UBL7: variants seen among roughly 807,000 people sequenced by gnomAD.
UBL7 encodes ubiquitin-like protein 7.
In UBL7, 21 loss-of-function variants were observed where a neutral mutation model predicts 41.7. The ratio of observed to expected loss-of-function variants is 0.50; its 90% CI spans 0.36 to 0.73. The LOEUF (loss-of-function observed/expected upper bound fraction) is 0.73, where lower values mean the gene tolerates loss of function less well. Among genes scored for constraint, UBL7 ranks in the 30% least tolerant of loss-of-function variants. UBL7 has a pLI of 0.00. For missense variants in UBL7, 403 were observed against 478.4 expected (o/e 0.84, Z 1.47); for synonymous variants, 157 against 186.9 (o/e 0.84, Z 1.31).
chr15:74,458,762 CT>C lies in UBL7; in HGVS notation c.105del (p.Gly37AlafsTer7), dbSNP rs781524001. On this transcript the variant is annotated frameshift_variant, in exon 2 of 11. Transcript: ENST00000395081. LOFTEE classifies it high-confidence loss of function. ...LPETELGEYSLGGYSISFLKQ... is the reference protein window; with the variant it reads ...LPETELGEYSXGGYSISFLKQ... The stretch of plus-strand genomic sequence containing the variant: ...TTCAGAAATGAAATACTATAGCCCC[CT>C]AGCGAGTATTCTCCCAGTTCTGTCT... The C allele has an allele frequency of 6.2e-7, 1 of 1,614,042 alleles. No homozygotes were observed. Among genetic ancestry groups the C allele is most frequent in the Non-Finnish European group, 8.5e-7 (1 of 1,180,018 alleles).
intron 1 of UBL7, 27 bp from the exon 2 acceptor site, chr15:74,458,923 TAA>T (rs2061320549): frequency 1.3e-6 from 2 of 1,594,256 alleles, no homozygotes; most frequent in Non-Finnish European, 1.7e-6. Context: ...CCTCAGTGGT[TAA>T]AAGACAGACC....
At position 74,456,588 on chromosome 15, in the gene UBL7, G is replaced by A. The variant is rs750219968; in HGVS notation, c.268C>T (p.Leu90=). 22 of 1,614,134 alleles carry A rather than the reference G, an allele frequency of 1.4e-5. No homozygotes were observed. The Admixed American group carries it at 2.3e-4, about 17-fold the overall frequency. Residue 90 remains leucine (L), a synonymous_variant, in exon 3 of 11, where the codon CTG becomes TTG. Coordinates refer to ENST00000395081, the MANE Select transcript of UBL7 (RefSeq NM_032907.5). ...GIQPGSTVHV[L]RKSWPEPDQK... The stretch of plus-strand genomic sequence containing the variant: ...TCAGGTTCAGGCCAGGACTTTCGCA[G>A]AACATGGACAGTGGACCCAGGTTGA...
chr15:74,461,016 A>G (rs184465789), intron 1 of UBL7, 21 bp downstream of exon 1: 3 of 1,083,146 alleles, frequency 2.8e-6, no homozygotes, highest in East Asian at 1.7e-4. Flanking sequence ...GGGCAGGAAC[A>G]CTATCCGGTG....
chr15:74,458,954 C>T, intron 1 of UBL7, 58 bp from the exon 2 acceptor site: 1 of 1,524,836 alleles, frequency 6.6e-7, no homozygotes, highest in African/African-American at 1.4e-5. Context: ...ACTCCACCCC[C>T]ACCCACCAAA....
intron 3 of UBL7, among the ~76,000 whole-genome samples, chr15:74,453,047 G>A (rs192146951): frequency 1.8e-4 from 27 of 152,252 alleles, no homozygotes; most frequent in African/African-American, 5.1e-4. Context: ...TTATCCTCAC[G>A]AAGGACCACT....
intron 10 of UBL7, among the ~76,000 whole-genome samples, chr15:74,447,306 G>A (rs901305437): frequency 9.2e-5 from 14 of 152,296 alleles, no homozygotes; most frequent in African/African-American, 2.6e-4. Context: ...TGGAATAGAG[G>A]AAAACAGACG....
chr15:74,450,045 G>A lies in UBL7; in HGVS notation c.555C>T (p.Leu185=), dbSNP rs374851070. Residue 185 remains leucine (L), a synonymous_variant, in exon 7 of 11, where the codon CTC becomes CTT. Transcript: ENST00000395081. Reference sequence around the variant, plus strand: ...GCAGAACCAGGACAATGGCATTGACGAGGGCTGGGTGAGCAGGCACCAACC... The same window carrying A: ...GCAGAACCAGGACAATGGCATTGACAAGGGCTGGGTGAGCAGGCACCAACC... The part of the protein sequence containing the change: ...LDTLVPAHPA[L]VNAIVLVLHS... 83 of 1,613,468 alleles carry A rather than the reference G, an allele frequency of 5.1e-5. 1 individual carries two copies. The highest frequency in any genetic ancestry group is 1.9e-4 in the South Asian group (17 of 90,936).
At chr15:74,453,541 T>C (rs1279016165) in intron 3 of UBL7, among the ~76,000 whole-genome samples, 12 of 152,128 alleles carry the variant, frequency 7.9e-5, no homozygotes, top group Non-Finnish European at 1.8e-4. Flanking sequence ...GGTGAAGGTA[T>C]TCCAAGCCTG....
chr15:74,455,804 T>C (rs775733527), intron 3 of UBL7, among the ~76,000 whole-genome samples: 1 of 151,976 alleles, frequency 6.6e-6, no homozygotes, highest in Non-Finnish European at 1.5e-5. Flanking sequence ...TTGACCAACA[T>C]GGAGACACCC....
In UBL7 at chr15:74,450,079, A is replaced by C. The variant is rs1490545232; in HGVS notation, c.531-10T>G. The C allele has an allele frequency of 1.2e-6, 2 of 1,608,424 alleles. No homozygotes were observed. ...GTGAGCAGGCACCAACCTAGGATAG[A>C]AGCAGGAAGAAACCCAAGGGTGACT... On this transcript the variant is annotated splice_polypyrimidine_tract_variant and intron_variant, in intron 6 of 10. Coordinates refer to ENST00000395081, the MANE Select transcript of UBL7 (RefSeq NM_032907.5).
At chr15:74,450,119 T>A in intron 6 of UBL7, 50 bp from the exon 7 acceptor site, 1 of 1,550,838 alleles carries the variant, frequency 6.4e-7, no homozygotes, top group South Asian at 1.2e-5. Flanking sequence ...AAGAGCACCC[T>A]CAGCCATAAC....
At chr15:74,450,640 G>A (rs1452964141) in intron 6 of UBL7, among the ~76,000 whole-genome samples, 162 bp downstream of exon 6, 1 of 152,104 alleles carries the variant, frequency 6.6e-6, no homozygotes, top group East Asian at 1.9e-4. Context: ...CAAAAGCCCT[G>A]CTCTTGGGCT....
intron 1 of UBL7, 99 bp from the exon 2 acceptor site, chr15:74,458,995 CTG>C (rs1373355777): frequency 1.7e-6 from 2 of 1,193,662 alleles, no homozygotes; most frequent in African/African-American, 3.0e-5. Flanking sequence ...CAATGTGACA[CTG>C]TTGAAGAGGC....
At position 74,452,278 on chromosome 15, in the gene UBL7, G is replaced by GC; in HGVS notation, c.387+17dup. The GC allele has an allele frequency of 6.4e-7, 1 of 1,550,722 alleles. No homozygotes were observed. Among genetic ancestry groups the GC allele is most frequent in the South Asian group, 1.2e-5 (1 of 84,112 alleles). On this transcript the variant is annotated intron_variant, in intron 4 of 10. Transcript: ENST00000395081. ...CCCTCTCCTACAGTCCTGGCTGGGGGCCGCAGCACACACTCACCGCCTCCC... is the reference window on the plus strand; with the variant it reads ...CCCTCTCCTACAGTCCTGGCTGGGGGCCCGCAGCACACACTCACCGCCTCCC...
intron 6 of UBL7, 25 bp from the exon 7 acceptor site, chr15:74,450,094 C>G: frequency 3.1e-6 from 5 of 1,598,684 alleles, no homozygotes; most frequent in Non-Finnish European, 4.3e-6. Flanking sequence ...GGAAGAAACC[C>G]AAGGGTGACT....
chr15:74,449,993 G>A lies in UBL7; in HGVS notation c.607C>T (p.Pro203Ser). The A allele has an allele frequency of 6.2e-7, 1 of 1,613,586 alleles. No homozygotes were observed. Among genetic ancestry groups the A allele is most frequent in the East Asian group, 2.2e-5 (1 of 44,878 alleles). The change falls in exon 7 of 11, where the codon CCT becomes TCT. Residue 203 changes from proline (P) to serine (S), a missense_variant. Transcript: ENST00000395081. ...LHSVAGSAPM[P>S]GTDSSSRSMP... ...CTCCGGGAAGAGGAGTCAGTCCCAG[G>A]CATTGGGGCACTGCCTGCTACGGAG...
intron 3 of UBL7, 75 bp downstream of exon 3, chr15:74,456,477 C>A: frequency 6.3e-7 from 1 of 1,575,464 alleles, no homozygotes; most frequent in Non-Finnish European, 8.7e-7. Flanking sequence ...CAGGCTTGTG[C>A]CTCAAGAACA....
intron 1 of UBL7, among the ~76,000 whole-genome samples, chr15:74,460,011 G>T (rs868689363): frequency 6.6e-6 from 1 of 150,606 alleles, no homozygotes; most frequent in South Asian, 2.1e-4. Flanking sequence ...GGAGGCCGCG[G>T]AGGACGGATC....
Position 74,461,142 on chromosome 15 carries a change from C to G in UBL7, c.-135G>C, listed in dbSNP as rs1386103263. Reference sequence around the variant, plus strand: ...GGAAGGAACCCGGCCGCACTGCCGCCGGTGTAAACACTCACTCTGGCCCTC... The same window carrying G: ...GGAAGGAACCCGGCCGCACTGCCGCGGGTGTAAACACTCACTCTGGCCCTC... On this transcript the variant is annotated 5_prime_UTR_variant, in exon 1 of 11. Transcript: ENST00000395081. The G allele has an allele frequency of 5.0e-6, 5 of 997,114 alleles. No homozygotes were observed. Among genetic ancestry groups the G allele is most frequent in the South Asian group, 4.1e-5 (1 of 24,194 alleles). The allele number at this position is 997,114 out of a possible 1,614,324, so 61.8% of individuals were successfully genotyped here.
Sources: allele counts gnomAD v4.1 joint callset (sites outside exome capture counted in the v4.1 genomes callset), GRCh38; gene constraint gnomAD v4.1.1; transcripts MANE v1.5; gene names NCBI Gene and HGNC (gene_info 2026-07-23, HGNC 2026-07-21).